The following SV2B variants were observed in gnomAD, a reference collection of about 807,000 sequenced individuals.
The protein encoded by SV2B is synaptic vesicle glycoprotein 2B, also known as solute carrier family 22 member B2.
In SV2B, 41 loss-of-function variants were observed where a neutral mutation model predicts 73.9. The ratio of observed to expected loss-of-function variants is 0.56; its 90% CI spans 0.43 to 0.72. The LOEUF (loss-of-function observed/expected upper bound fraction) is 0.72, where lower values mean the gene tolerates loss of function less well. Among genes scored for constraint, SV2B ranks in the 30% least tolerant of loss-of-function variants. SV2B has a pLI of 0.00. For missense variants in SV2B, 764 were observed against 857.8 expected (o/e 0.89, Z 1.37); for synonymous variants, 314 against 314.2 (o/e 1.00, Z 0.01).
At chr15:91,144,650 T>C (rs776026878) in intron 1 of SV2B, among the ~76,000 whole-genome samples, 1 of 152,226 alleles carries the variant, frequency 6.6e-6, no homozygotes, top group Non-Finnish European at 1.5e-5. Flanking sequence ...CTCAGAGGCA[T>C]TGACCACCAA....
intron 1 of SV2B, among the ~76,000 whole-genome samples, chr15:91,126,032 T>C (rs897451522): frequency 6.6e-6 from 1 of 151,968 alleles, no homozygotes; most frequent in African/African-American, 2.4e-5. Flanking sequence ...TAGTCACAAA[T>C]CTAAAGAAAG....
intron 1 of SV2B, among the ~76,000 whole-genome samples, chr15:91,172,437 C>T (rs947927900): frequency 1.3e-5 from 2 of 152,220 alleles, no homozygotes; most frequent in Middle Eastern, 3.2e-3. Context: ...CTGAGGATCA[C>T]GAAGCAAACC....
chr15:91,269,991 C>A (rs2048240031), intron 9 of SV2B, among the ~76,000 whole-genome samples: 1 of 152,272 alleles, frequency 6.6e-6, no homozygotes, highest in Non-Finnish European at 1.5e-5. Flanking sequence ...GCAGTTCCCC[C>A]AAGATGTTTC....
chr15:91,269,059 G>A (rs2048207726), intron 9 of SV2B, among the ~76,000 whole-genome samples: 1 of 151,912 alleles, frequency 6.6e-6, no homozygotes, highest in Non-Finnish European at 1.5e-5. Flanking sequence ...ATATTCCTTT[G>A]GAGCGTTGAT....
chr15:91,223,182 TC>T lies in SV2B; in HGVS notation c.-391-2689del, dbSNP rs2046271728. Among the ~76,000 whole-genome samples, 1 of 152,218 alleles carries T rather than the reference TC, an allele frequency of 6.6e-6. No individual in the cohort carries two copies. The highest frequency in any genetic ancestry group is 2.4e-5 in the African/African-American group (1 of 41,458). ...ACCAGTCATATTGGATTAGGAGCCA[TC>T]CGAATGATCTCATCTTAACTTGATT... On this transcript the variant is annotated intron_variant, in intron 1 of 12. Coordinates refer to ENST00000394232, the MANE Select transcript of SV2B (RefSeq NM_001323032.3). The surrounding 1 kb of genome is among the most constrained non-coding windows in gnomAD (Gnocchi z 4.6).
chr15:91,282,341 A>G (rs1342463107), intron 10 of SV2B, among the ~76,000 whole-genome samples: 1 of 152,264 alleles, frequency 6.6e-6, no homozygotes, highest in Non-Finnish European at 1.5e-5. Context: ...AAAGTGAAAT[A>G]CAAAGACTAT....
chr15:91,107,988 G>A lies in SV2B; in HGVS notation c.-392+7625G>A, dbSNP rs563742617. 3.9e-5 allele frequency among the ~76,000 whole-genome samples: 6 copies of A among 152,234 alleles called. No homozygotes were observed. The South Asian group carries it at 1.2e-3, about 32-fold the overall frequency. On this transcript the variant is annotated intron_variant, in intron 1 of 12. Coordinates refer to ENST00000394232, the MANE Select transcript of SV2B (RefSeq NM_001323032.3). ...TGAGCCTGGGTTTCCTCAGTTGTAA[G>A]GTGATGATGGTGGTGTGGTGTGGTG...
intron 1 of SV2B, among the ~76,000 whole-genome samples, chr15:91,158,089 G>A (rs2043551706): frequency 6.6e-6 from 1 of 152,156 alleles, no homozygotes; most frequent in South Asian, 2.1e-4. Context: ...CTGTGGTTTG[G>A]ATATGGTTCG....
At position 91,265,756 on chromosome 15, in the gene SV2B, T is replaced by A. The variant is rs982103034; in HGVS notation, c.1009-826T>A. ...GCATAGCTGGGAGTGGCCAGATGAG[T>A]CCAGGAGGCTCACAGTGTGGTCATG... On this transcript the variant is annotated intron_variant, in intron 6 of 12. Coordinates refer to ENST00000394232, the MANE Select transcript of SV2B (RefSeq NM_001323032.3). The surrounding 1 kb of genome is among the most constrained non-coding windows in gnomAD (Gnocchi z 4.2). 1.3e-5 allele frequency among the ~76,000 whole-genome samples: 2 copies of A among 152,160 alleles called. No homozygotes were observed. The highest frequency in any genetic ancestry group is 4.8e-5 in the African/African-American group (2 of 41,424).
At position 91,242,652 on chromosome 15, in the gene SV2B, A is replaced by C. The variant is rs2047065551; in HGVS notation, c.452-9167A>C. Among the ~76,000 whole-genome samples, 2 of 152,234 alleles carry C rather than the reference A, an allele frequency of 1.3e-5. No individual in the cohort carries two copies. Among genetic ancestry groups the C allele is most frequent in the Admixed American group, 6.5e-5 (1 of 15,284 alleles). On this transcript the variant is annotated intron_variant, in intron 2 of 12. Coordinates refer to ENST00000394232, the MANE Select transcript of SV2B (RefSeq NM_001323032.3). This position sits in a 1 kb window ranked among gnomAD's most constrained non-coding sequence, Gnocchi z 4.9. ...GAGGTGGGAGAGAGCATAGGACATCAGTATCCAGGGGTTGCTTAATACTTG... is the reference window on the plus strand; with the variant it reads ...GAGGTGGGAGAGAGCATAGGACATCCGTATCCAGGGGTTGCTTAATACTTG...
At chr15:91,250,429 C>G (rs1178140999) in intron 2 of SV2B, among the ~76,000 whole-genome samples, 1 of 152,070 alleles carries the variant, frequency 6.6e-6, no homozygotes, top group Non-Finnish European at 1.5e-5. Context: ...CTAATATCAG[C>G]AACAAGACAA....
At chr15:91,171,311 G>T (rs571980125) in intron 1 of SV2B, among the ~76,000 whole-genome samples, 8 of 152,308 alleles carry the variant, frequency 5.3e-5, no homozygotes, top group African/African-American at 1.9e-4. Context: ...ATGGAGTTAA[G>T]ATTATTAAAT....
rs1264944701 is a variant in SV2B at position 91,220,409 on chromosome 15, A to G, written c.-391-5464A>G. 2.0e-5 allele frequency among the ~76,000 whole-genome samples: 3 copies of G among 152,242 alleles called. No individual in the cohort carries two copies. Among genetic ancestry groups the G allele is most frequent in the Non-Finnish European group, 4.4e-5 (3 of 68,040 alleles). On this transcript the variant is annotated intron_variant, in intron 1 of 12. Coordinates refer to ENST00000394232, the MANE Select transcript of SV2B (RefSeq NM_001323032.3). The surrounding 1 kb of genome is among the most constrained non-coding windows in gnomAD (Gnocchi z 4.1). ...GTGCATTTCTGAAAGAGAATAGTGA[A>G]TAGAAGATGCAGTGTTTCCCAAACT...
At chr15:91,135,424 T>C (rs1334830297) in intron 1 of SV2B, among the ~76,000 whole-genome samples, 1 of 152,212 alleles carries the variant, frequency 6.6e-6, no homozygotes, top group African/African-American at 2.4e-5. Context: ...GCTACCTACA[T>C]GGTGGTGAGG....
In SV2B at chr15:91,130,904, C is replaced by T. The variant is rs2042620567; in HGVS notation, c.-392+30541C>T. On this transcript the variant is annotated intron_variant, in intron 1 of 12. Coordinates refer to ENST00000394232, the MANE Select transcript of SV2B (RefSeq NM_001323032.3). The surrounding 1 kb of genome is among the most constrained non-coding windows in gnomAD (Gnocchi z 5.6). ...AAAATGAGAGTGTGAGGAGAAGGAA[C>T]TTGAAGATGCAAAAGGAGGAGATGG... 6.6e-6 allele frequency among the ~76,000 whole-genome samples: 1 copy of T among 151,958 alleles called. No individual in the cohort carries two copies. Among genetic ancestry groups the T allele is most frequent in the African/African-American group, 2.4e-5 (1 of 41,364 alleles).
Position 91,281,048 on chromosome 15 carries a change from A to G in SV2B, c.1374-680A>G, listed in dbSNP as rs1031421388. 6.6e-6 allele frequency among the ~76,000 whole-genome samples: 1 copy of G among 152,238 alleles called. No individual in the cohort carries two copies. The highest frequency in any genetic ancestry group is 1.5e-5 in the Non-Finnish European group (1 of 68,036). ...GCTACATGGTATTCCATTATATGGC[A>G]TCTATTACATATGTATGTATGTAGT... is the stretch of plus-strand genomic sequence containing the variant. On this transcript the variant is annotated intron_variant, in intron 9 of 12. Transcript: ENST00000394232. This position sits in a 1 kb window ranked among gnomAD's most constrained non-coding sequence, Gnocchi z 4.7.
intron 1 of SV2B, among the ~76,000 whole-genome samples, chr15:91,210,400 G>A (rs1010725162): frequency 6.6e-6 from 1 of 152,120 alleles, no homozygotes; most frequent in African/African-American, 2.4e-5. Context: ...GGCAATCCTA[G>A]AGGACAGGGA....
chr15:91,196,588 G>T (rs1185622786), intron 1 of SV2B, among the ~76,000 whole-genome samples: 1 of 152,192 alleles, frequency 6.6e-6, no homozygotes, highest in African/African-American at 2.4e-5. Flanking sequence ...GGCCCTTGAC[G>T]CCATGTTAGG....
In SV2B at chr15:91,197,044, G is replaced by A. The variant is rs1286197623; in HGVS notation, c.-391-28829G>A. ...TTGCTCCTCTGTTGCTCCGCCTGCC[G>A]GCTGTGGCAGCCTTTAGCCCATAGA... On this transcript the variant is annotated intron_variant, in intron 1 of 12. Coordinates refer to ENST00000394232, the MANE Select transcript of SV2B (RefSeq NM_001323032.3). This position sits in a 1 kb window ranked among gnomAD's most constrained non-coding sequence, Gnocchi z 4.9. Among the ~76,000 whole-genome samples, 4 of 152,174 alleles carry A rather than the reference G, an allele frequency of 2.6e-5. No individual in the cohort carries two copies. The highest frequency in any genetic ancestry group is 6.5e-5 in the Admixed American group (1 of 15,284).
Sources: allele counts gnomAD v4.1 joint callset (sites outside exome capture counted in the v4.1 genomes callset), GRCh38; gene constraint gnomAD v4.1.1; non-coding constraint Gnocchi (gnomAD v3.1); transcripts MANE v1.5; gene names NCBI Gene and HGNC (gene_info 2026-07-23, HGNC 2026-07-21).